The following UBXN8 variants were observed in gnomAD, a reference collection of about 807,000 sequenced individuals.
The protein encoded by UBXN8 is UBX domain protein 8.
UBXN8 carries 27 observed loss-of-function variants against 32.1 expected under a neutral mutation model. The ratio of observed to expected loss-of-function variants is 0.84; its 90% CI spans 0.62 to 1.16. The LOEUF is 1.16. UBXN8 is among the 50% of genes most tolerant of loss of function. The pLI, the probability that UBXN8 is intolerant of heterozygous loss-of-function variation, is 0.00. For synonymous variants in UBXN8, 109 were observed against 111.8 expected (o/e 0.98, Z 0.16); for missense variants, 306 against 311.4 (o/e 0.98, Z 0.13).
intron 5 of UBXN8, among the ~76,000 whole-genome samples, chr8:30,758,267 A>G (rs972152334): frequency 3.3e-5 from 5 of 152,370 alleles, no homozygotes; most frequent in Admixed American, 3.3e-4. Flanking sequence ...GAAGGGAAGC[A>G]TTCCTATTAA....
intron 5 of UBXN8, among the ~76,000 whole-genome samples, chr8:30,758,062 ATT>A (rs1231951683): frequency 6.6e-6 from 1 of 151,246 alleles, no homozygotes; most frequent in Non-Finnish European, 1.5e-5. Context: ...CACCCAGCTA[ATT>A]TTTTTGTATT....
intron 7 of UBXN8, among the ~76,000 whole-genome samples, chr8:30,765,141 G>C (rs890123096): frequency 6.6e-6 from 1 of 151,996 alleles, no homozygotes; most frequent in Admixed American, 6.6e-5. Context: ...TTGAACTCCT[G>C]GGTTCAAATG....
chr8:30,753,222 A>G, intron 3 of UBXN8, 117 bp downstream of exon 3: 1 of 1,303,464 alleles, frequency 7.7e-7, no homozygotes, highest in Non-Finnish European at 9.8e-7. Flanking sequence ...ATATATAATG[A>G]GGTCAAATTC....
rs368787127 is a variant in UBXN8 at position 30,756,856 on chromosome 8, C to T, written c.497C>T (p.Pro166Leu). Residue 166 changes from proline (P) to leucine (L), a missense_variant, in exon 5 of 8, where the codon CCG becomes CTG. By Grantham distance (98) the Pro-to-Leu change is moderately conservative. Coordinates refer to ENST00000265616, the MANE Select transcript of UBXN8 (RefSeq NM_005671.4). ...QNLPKPLTEF[P>L]SPAEQPTCKE... is the part of the protein sequence containing the mutation. ...TTGCCTAAACCTTTAACTGAATTTCCGTCTCCTGCTGAACAGCCCACATGC... is the reference window on the plus strand; with the variant it reads ...TTGCCTAAACCTTTAACTGAATTTCTGTCTCCTGCTGAACAGCCCACATGC... 56 of 1,613,834 alleles carry T rather than the reference C, an allele frequency of 3.5e-5. No homozygotes were observed. In the East Asian group the frequency reaches 3.6e-4, roughly 10 times the overall value.
rs778475560 is a variant in UBXN8 at position 30,760,890 on chromosome 8, TCCTGATTTA to T, written c.537_545del (p.Asp179_Pro181del). On this transcript the variant is annotated inframe_deletion, in exon 6 of 8. Transcript: ENST00000265616. Reference sequence around the variant, plus strand: ...CTCTTACCAATACTTTTCTTTAGATTCCTGATTTACCTGAAGAACCTTCTCAAACAGCAG... The same window carrying T: ...CTCTTACCAATACTTTTCTTTAGATTCCTGAAGAACCTTCTCAAACAGCAG... 9.9e-5 allele frequency: 152 copies of T among 1,535,846 alleles called. No individual in the cohort carries two copies. The highest frequency in any genetic ancestry group is 1.7e-4 in the Middle Eastern group (1 of 5,948).
At chr8:30,744,105 C>G (rs959875455), upstream of UBXN8, 10 of 1,336,682 alleles carry the variant, frequency 7.5e-6, no homozygotes, top group Middle Eastern at 3.9e-4. Flanking sequence ...CCAGCCGGCC[C>G]GCGGCAAGAA....
upstream of UBXN8, among the ~76,000 whole-genome samples, chr8:30,739,404 C>T (rs1479465612): frequency 2.6e-5 from 4 of 151,730 alleles, no homozygotes; most frequent in Admixed American, 6.6e-5. Context: ...ATTAGCCGGG[C>T]GTGGTGGCGG....
intron 5 of UBXN8, among the ~76,000 whole-genome samples, chr8:30,758,899 T>TTTTTTTTTTTTTTTTTTTTG (rs1805746019): frequency 7.4e-6 from 1 of 134,808 alleles, no homozygotes; most frequent in African/African-American, 2.9e-5. Context: ...TTTTTGTTTT[T>TTTTTTTTTTTTTTTTTTTTG]TTTTTTTTTT....
chr8:30,745,269 G>A (rs1805332726), intron 1 of UBXN8, among the ~76,000 whole-genome samples: 1 of 152,164 alleles, frequency 6.6e-6, no homozygotes, highest in South Asian at 2.1e-4. Flanking sequence ...ATGGGTTGAT[G>A]TTTGGGGCAA....
At position 30,766,434 on chromosome 8, in the gene UBXN8, T is replaced by A; in HGVS notation, c.*40T>A. 2.0e-6 allele frequency: 3 copies of A among 1,512,142 alleles called. No homozygotes were observed. The highest frequency in any genetic ancestry group is 2.7e-6 in the Non-Finnish European group (3 of 1,124,488). The allele number at this position is 1,512,142 out of a possible 1,614,324, so 93.7% of individuals were successfully genotyped here. ...CTCCCTGTTTGCATGAAGTCAGTTA[T>A]GCTATGACCTTCTGGCACAATAAAG... On this transcript the variant is annotated 3_prime_UTR_variant, in exon 8 of 8. Transcript: ENST00000265616.
At position 30,766,223 on chromosome 8, in the gene UBXN8, C is replaced by T; in HGVS notation, c.646-4C>T. ...ATGACTAAGCCAAGCTTTTCATCTT[C>T]TAGGTCTTATTTGACTGGATGACGA... is the stretch of plus-strand genomic sequence containing the variant. On this transcript the variant is annotated splice_region_variant and splice_polypyrimidine_tract_variant and intron_variant, in intron 7 of 7. Coordinates refer to ENST00000265616, the MANE Select transcript of UBXN8 (RefSeq NM_005671.4). 1 of 1,609,242 alleles carries T rather than the reference C, an allele frequency of 6.2e-7. No individual in the cohort carries two copies. Among genetic ancestry groups the T allele is most frequent in the Non-Finnish European group, 8.5e-7 (1 of 1,176,894 alleles).
chr8:30,740,905 T>G (rs557419220), upstream of UBXN8, among the ~76,000 whole-genome samples: 130 of 152,336 alleles, frequency 8.5e-4, 1 homozygote, highest in South Asian at 0.011. Context: ...AAGTTGCTCA[T>G]CAGGCTGCAA....
At chr8:30,743,822 CTCCTCACAGCATCAGCTTTT>C (rs1191808269), upstream of UBXN8, among the ~76,000 whole-genome samples, 11 of 152,230 alleles carry the variant, frequency 7.2e-5, no homozygotes, top group Admixed American at 2.0e-4. Context: ...CCCAGGCTGC[CTCCTCACAGCATCAGCTTTT>C]TCTTCGGCTT....
chr8:30,746,511 C>G (rs1314927002), intron 1 of UBXN8, among the ~76,000 whole-genome samples: 1 of 135,304 alleles, frequency 7.4e-6, no homozygotes, highest in Non-Finnish European at 1.5e-5. Context: ...TGTACTTAAG[C>G]TAGATTTTTT....
At chr8:30,759,905 C>T (rs1357882892) in intron 5 of UBXN8, among the ~76,000 whole-genome samples, 2 of 150,684 alleles carry the variant, frequency 1.3e-5, no homozygotes, top group Admixed American at 6.7e-5. Flanking sequence ...TGCAGTGAGC[C>T]AAGATCGCGC....
chr8:30,751,131 C>G (rs67397274), intron 1 of UBXN8, among the ~76,000 whole-genome samples: 36,686 of 152,030 alleles, frequency 0.24, 4,902 homozygotes, highest in African/African-American at 0.36. Flanking sequence ...ATTATATGAA[C>G]AAAATCATAA....
chr8:30,755,447 G>C (rs746009995), intron 4 of UBXN8, among the ~76,000 whole-genome samples: 8 of 152,016 alleles, frequency 5.3e-5, no homozygotes, highest in Non-Finnish European at 1.2e-4. Flanking sequence ...GGTGCCTAAA[G>C]AGCATATAAC....
chr8:30,760,575 G>C (rs1272501766), intron 5 of UBXN8, among the ~76,000 whole-genome samples: 6 of 151,002 alleles, frequency 4.0e-5, no homozygotes, highest in African/African-American at 1.2e-4. Context: ...ACTGCATCTG[G>C]CTTGCTTTTT....
intron 7 of UBXN8, among the ~76,000 whole-genome samples, chr8:30,763,990 C>T (rs1330522725): frequency 2.0e-5 from 3 of 151,764 alleles, no homozygotes; most frequent in African/African-American, 7.3e-5. Flanking sequence ...GATCCTGTCT[C>T]AAAAATACTA....
Sources: gnomAD v4.1 joint callset for allele counts (sites outside exome capture counted in the v4.1 genomes callset) on GRCh38, gnomAD v4.1.1 for gene constraint, MANE v1.5 for transcripts, NCBI Gene and HGNC (gene_info 2026-07-23, HGNC 2026-07-21) for gene names.